Variants in SNU13 observed in about 807,000 individuals in gnomAD.
SNU13 encodes the protein small nuclear ribonucleoprotein 13, also known as NHP2-like protein 1.
In SNU13, 2 loss-of-function variants were observed where a neutral mutation model predicts 12.4. The ratio of observed to expected loss-of-function variants is 0.16; its 90% confidence interval spans 0.07 to 0.51. The LOEUF (loss-of-function observed/expected upper bound fraction) is 0.51, where lower values mean the gene tolerates loss of function less well. Ranked by LOEUF, SNU13 falls within the 20% of genes least tolerant of loss-of-function variation. The probability of loss-of-function intolerance (pLI) is 0.96; values close to 1 mark genes in which losing one functional copy is unlikely to be tolerated. For missense variants in SNU13, 66 were observed against 157.8 expected (o/e 0.42, Z 3.12); for synonymous variants, 68 against 66.5 (o/e 1.02, Z -0.11).
chr22:41,674,820 C>T lies in SNU13; in HGVS notation c.*113G>A. The T allele has an allele frequency of 5.7e-6, 8 of 1,413,152 alleles. No individual in the cohort carries two copies. Among genetic ancestry groups the T allele is most frequent in the Non-Finnish European group, 5.7e-6 (6 of 1,044,330 alleles). The allele number at this position is 1,413,152 out of a possible 1,614,324, so 87.5% of individuals were successfully genotyped here. A position where few individuals can be genotyped will look rare whatever the true frequency, so the allele number is the denominator to read the frequency against. On this transcript the variant is annotated 3_prime_UTR_variant, in exon 3 of 3. Transcript: ENST00000401959. ...AAAAATCCAGAAACCAGATTTAGTA[C>T]TACATTTTATAACAATAGAGAGTAG... is the stretch of plus-strand genomic sequence containing the variant.
intron 2 of SNU13, among the ~76,000 whole-genome samples, chr22:41,675,761 C>CT (rs959667762): frequency 1.2e-5 from 1 of 84,142 alleles, no homozygotes; most frequent in African/African-American, 4.3e-5. Flanking sequence ...TTTTTTTTTT[C>CT]TTTTTTTGAG....
chr22:41,685,261 G>A (rs1005819582), intron 1 of SNU13, among the ~76,000 whole-genome samples: 24 of 151,334 alleles, frequency 1.6e-4, no homozygotes, highest in Admixed American at 5.3e-4. Flanking sequence ...CTGCAGCCTC[G>A]ACCTCCAGGG....
chr22:41,689,892 C>T (rs577781947), upstream of SNU13, among the ~76,000 whole-genome samples: 31 of 151,504 alleles, frequency 2.0e-4, no homozygotes, highest in Middle Eastern at 3.5e-3. Flanking sequence ...GCAGGAGAAT[C>T]GCTTGAACTT....
intron 1 of SNU13, among the ~76,000 whole-genome samples, chr22:41,684,325 C>G (rs1427068717): frequency 6.6e-6 from 1 of 152,180 alleles, no homozygotes; most frequent in East Asian, 1.9e-4. Flanking sequence ...GCAATTTCTC[C>G]TTTTGTTTTT....
At position 41,680,355 on chromosome 22, in the gene SNU13, C is replaced by T. The variant is rs2068251886; in HGVS notation, c.13G>A (p.Asp5Asn). The T allele has an allele frequency of 3.7e-6, 6 of 1,613,402 alleles. No individual in the cohort carries two copies. The highest frequency in any genetic ancestry group is 5.1e-6 in the Non-Finnish European group (6 of 1,179,700). Reference sequence around the variant, plus strand: ...AGGGGATAGGCCTTTGGATTCACATCAGCCTCAGTCTATGGGGGGGACATA... The same window carrying T: ...AGGGGATAGGCCTTTGGATTCACATTAGCCTCAGTCTATGGGGGGGACATA... MTEADVNPKAYPLAD... is the reference protein window; with the variant it reads MTEANVNPKAYPLAD... Residue 5 changes from aspartate (D) to asparagine (N), a missense_variant, in exon 2 of 3, where the codon GAT (aspartate) becomes AAT (asparagine). Coordinates refer to ENST00000401959, the MANE Select transcript of SNU13 (RefSeq NM_001003796.2).
chr22:41,675,279 C>A, intron 2 of SNU13, 84 bp from the exon 3 acceptor site: 1 of 1,527,804 alleles, frequency 6.5e-7, no homozygotes, highest in South Asian at 1.2e-5. Flanking sequence ...TGCCTAGGCA[C>A]ACACAATTAT....
In SNU13 at chr22:41,678,120, C is replaced by T. The variant is rs866157155; in HGVS notation, c.124+2124G>A. Among the ~76,000 whole-genome samples the T allele has an allele frequency of 8.5e-5, 13 of 152,160 alleles. No individual in the cohort carries two copies. In the Middle Eastern group the frequency reaches 0.01, roughly 119 times the overall value. ...CCTCCTGAGCAGCTGGGACTATAGG[C>T]GCCCGCCACCACGCCCGGCTAATTT... On this transcript the variant is annotated intron_variant, in intron 2 of 2. Coordinates refer to ENST00000401959, the MANE Select transcript of SNU13 (RefSeq NM_001003796.2).
intron 2 of SNU13, among the ~76,000 whole-genome samples, chr22:41,678,038 A>C (rs949438): frequency 0.83 from 125,485 of 150,614 alleles, 53,148 homozygotes; most frequent in African/African-American, 0.95. Flanking sequence ...TGCAGTGGTG[A>C]GATCTCGGCT....
intron 2 of SNU13, among the ~76,000 whole-genome samples, chr22:41,675,811 C>T (rs1462518411): frequency 9.1e-5 from 13 of 143,282 alleles, no homozygotes; most frequent in African/African-American, 3.1e-4. Flanking sequence ...AGTGCAATGG[C>T]GCAATCTTGG....
At position 41,680,159 on chromosome 22, in the gene SNU13, C is replaced by G. The variant is rs116896847; in HGVS notation, c.124+85G>C. 1.4e-4 allele frequency: 212 copies of G among 1,469,826 alleles called. No individual in the cohort carries two copies. In the East Asian group the frequency reaches 5.1e-3, roughly 35 times the overall value. The allele number at this position is 1,469,826 out of a possible 1,614,324, so 91.0% of individuals were successfully genotyped here. A position where few individuals can be genotyped will look rare whatever the true frequency, so the allele number is the denominator to read the frequency against. ...TTGTAGTCGAGAGCAGCTAGCCCTC[C>G]TCCCAAACTGGAAATCAGATCAGAG... On this transcript the variant is annotated intron_variant, in intron 2 of 2. Coordinates refer to ENST00000401959, the MANE Select transcript of SNU13 (RefSeq NM_001003796.2).
chr22:41,690,466 A>C, upstream of SNU13: 2 of 732,794 alleles, frequency 2.7e-6, no homozygotes, highest in Non-Finnish European at 5.0e-6. Context: ...CAGGCCTGGC[A>C]CCAGGGTCAG....
intron 2 of SNU13, 79 bp downstream of exon 2, chr22:41,680,165 A>G: frequency 1.4e-6 from 2 of 1,479,030 alleles, no homozygotes; most frequent in Non-Finnish European, 1.8e-6. Context: ...CCTCCTCCCA[A>G]ACTGGAAATC....
At chr22:41,675,804 G>A (rs1394490862) in intron 2 of SNU13, among the ~76,000 whole-genome samples, 2 of 146,952 alleles carry the variant, frequency 1.4e-5, no homozygotes, top group Non-Finnish European at 3.0e-5. Context: ...GGGCTGGAGT[G>A]CAATGGCGCA....
At chr22:41,688,143 T>C (rs2068327123) in intron 1 of SNU13, 1 of 152,270 alleles carries the variant, frequency 6.6e-6, no homozygotes, top group South Asian at 2.1e-4. Context: ...ACGCCGCACG[T>C]GGTGCTACCA....
intron 1 of SNU13, chr22:41,682,278 G>C: frequency 6.8e-7 from 1 of 1,461,264 alleles, no homozygotes; most frequent in Non-Finnish European, 9.6e-7. Context: ...CAGCTTTTCT[G>C]ACACAGCGGG....
chr22:41,674,739 G>A lies in SNU13; in HGVS notation c.*194C>T, dbSNP rs1448675512. On this transcript the variant is annotated 3_prime_UTR_variant, in exon 3 of 3. Coordinates refer to ENST00000401959, the MANE Select transcript of SNU13 (RefSeq NM_001003796.2). ...GGATAAAAGGATGAAGGATGGCAGA[G>A]GGAGGGAGGAAAGGAAGGGGGATAG... is the stretch of plus-strand genomic sequence containing the variant. The A allele has an allele frequency of 7.3e-6, 5 of 685,020 alleles. No homozygotes were observed. Among genetic ancestry groups the A allele is most frequent in the South Asian group, 2.0e-5 (1 of 49,292 alleles). The allele number at this position is 685,020 out of a possible 1,614,324, so 42.4% of individuals were successfully genotyped here. A position where few individuals can be genotyped will look rare whatever the true frequency, so the allele number is the denominator to read the frequency against.
intron 1 of SNU13, among the ~76,000 whole-genome samples, chr22:41,681,006 T>A (rs1450391109): frequency 1.3e-5 from 2 of 152,222 alleles, no homozygotes; most frequent in East Asian, 3.8e-4. Flanking sequence ...ATCTTTAAAT[T>A]TGAACTTCCG....
At chr22:41,684,839 A>G (rs1237314994) in intron 1 of SNU13, among the ~76,000 whole-genome samples, 1 of 151,984 alleles carries the variant, frequency 6.6e-6, no homozygotes, top group African/African-American at 2.4e-5. Context: ...TGAGACCCCC[A>G]TCTCTAAAAA....
upstream of SNU13, among the ~76,000 whole-genome samples, chr22:41,689,740 A>C (rs1489424099): frequency 5.3e-5 from 8 of 151,056 alleles, no homozygotes; most frequent in Non-Finnish European, 1.0e-4. Flanking sequence ...CACTTTGGGA[A>C]GCTGAGGCGG....
Sources: allele counts gnomAD v4.1 joint callset (sites outside exome capture counted in the v4.1 genomes callset), GRCh38; gene constraint gnomAD v4.1.1; transcripts MANE v1.5; gene names NCBI Gene and HGNC (gene_info 2026-07-23, HGNC 2026-07-21).